The following SMG1 variants were observed in gnomAD, a reference collection of about 807,000 sequenced individuals.
The protein encoded by SMG1 is serine/threonine-protein kinase SMG1.
Under a neutral mutation model 419.9 loss-of-function variants are expected in SMG1, and 22 were observed. The observed-to-expected ratio is 0.05, with a 90% CI of 0.04 to 0.07. SMG1 has a LOEUF of 0.07. SMG1 is among the 10% of genes least tolerant of loss of function. The probability of loss-of-function intolerance (pLI) is 1.00; values close to 1 mark genes in which losing one functional copy is unlikely to be tolerated. For missense variants in SMG1, 3,185 were observed against 4,342.0 expected, an observed-to-expected ratio of 0.73 and a Z score of 7.49; for synonymous variants, 1,538 against 1,553.5, an observed-to-expected ratio of 0.99 and a Z score of 0.23.
At chr16:18,905,667 T>C (rs983021007) in intron 1 of SMG1, among the ~76,000 whole-genome samples, 1 of 150,874 alleles carries the variant, frequency 6.6e-6, no homozygotes, top group Admixed American at 6.7e-5. Context: ...GGCTGGAGTA[T>C]AGTGGTGCAA....
chr16:18,815,403 T>G, intron 59 of SMG1, 37 bp downstream of exon 59: 1 of 1,605,338 alleles, frequency 6.2e-7, no homozygotes, highest in African/African-American at 1.3e-5. Context: ...AGTTTTGTAC[T>G]TATGTTTTAT....
At chr16:18,901,276 T>C (rs534080467) in intron 1 of SMG1, among the ~76,000 whole-genome samples, 5 of 152,220 alleles carry the variant, frequency 3.3e-5, no homozygotes, top group African/African-American at 1.2e-4. Flanking sequence ...CAGGCTGGAG[T>C]GCACTGGCAT....
At chr16:18,887,987 G>A (rs1382707226) in intron 6 of SMG1, among the ~76,000 whole-genome samples, 7 of 150,900 alleles carry the variant, frequency 4.6e-5, no homozygotes, top group East Asian at 1.9e-4. Flanking sequence ...CCAGCACAAC[G>A]AAACCCCATC....
rs531685275 is a variant in SMG1 at position 18,874,560 on chromosome 16, T to TA, written c.1890+1563dup. On this transcript the variant is annotated intron_variant, in intron 13 of 62. Coordinates refer to ENST00000446231, the MANE Select transcript of SMG1 (RefSeq NM_015092.5). ...AAGAGCAGGGCCATGTCGAATTACT[T>TA]AAAAAAAAAAAAAAAAAAAAGCAGG... Among the ~76,000 whole-genome samples the TA allele has an allele frequency of 5.5e-3, 605 of 110,662 alleles. 5 individuals carry two copies. The highest frequency in any genetic ancestry group is 0.014 in the Middle Eastern group (3 of 212). The allele number at this position is 110,662 out of a possible 152,430, so 72.6% of individuals were successfully genotyped here. A position where few individuals can be genotyped will look rare whatever the true frequency, so the allele number is the denominator to read the frequency against.
chr16:18,863,310 C>T (rs919424814), intron 25 of SMG1, among the ~76,000 whole-genome samples: 3 of 152,178 alleles, frequency 2.0e-5, no homozygotes, highest in Admixed American at 6.5e-5. Context: ...ATATTCAGAC[C>T]TCATTTAGAA....
chr16:18,830,231 T>C lies in SMG1; in HGVS notation c.8931A>G (p.Leu2977=). 6.2e-7 allele frequency: 1 copy of C among 1,613,886 alleles called. No individual in the cohort carries two copies. The highest frequency in any genetic ancestry group is 8.5e-7 in the Non-Finnish European group (1 of 1,179,822). Residue 2977 remains leucine (L), a synonymous_variant, in exon 52 of 63, where the codon TTA becomes TTG. Transcript: ENST00000446231. ...MFAQVETAFS[L]LVEKLNKMEI... ...AGTCCACATTTACCTTTTCAACTAA[T>C]AAGCTGAAAGCAGTTTCAACTTGAG...
chr16:18,856,329 ATTTTTTTTTTTTTT>A (rs11365913), intron 29 of SMG1: 2 of 84,690 alleles, frequency 2.4e-5, no homozygotes, highest in Admixed American at 1.3e-4. Context: ...CACCCAGGTG[ATTTTTTTTTTTTTT>A]TTTTTTTTTT....
chr16:18,813,059 C>T (rs2031624189), intron 60 of SMG1, among the ~76,000 whole-genome samples: 1 of 151,972 alleles, frequency 6.6e-6, no homozygotes, highest in Non-Finnish European at 1.5e-5. Flanking sequence ...TTTCTTAATC[C>T]AGTCTATCAT....
At chr16:18,872,842 G>A (rs1037849071) in intron 13 of SMG1, among the ~76,000 whole-genome samples, 1 of 152,038 alleles carries the variant, frequency 6.6e-6, no homozygotes, top group Non-Finnish European at 1.5e-5. Flanking sequence ...GCAACTCCTC[G>A]TCTATCGCTA....
chr16:18,871,326 TAAAC>T (rs755174020), intron 16 of SMG1, 34 bp downstream of exon 16: 5 of 997,396 alleles, frequency 5.0e-6, no homozygotes, highest in South Asian at 1.8e-5. Flanking sequence ...TAAGGATTGA[TAAAC>T]AAAATAGAAA....
intron 16 of SMG1, 130 bp downstream of exon 16, chr16:18,871,234 T>C: frequency 5.4e-6 from 3 of 559,884 alleles, no homozygotes; most frequent in South Asian, 5.6e-5. Flanking sequence ...ACTGTGTATC[T>C]GTCATTAAAA....
chr16:18,895,746 A>G (rs2037097537), intron 3 of SMG1, among the ~76,000 whole-genome samples: 1 of 151,982 alleles, frequency 6.6e-6, no homozygotes, highest in African/African-American at 2.4e-5. Flanking sequence ...TATCCTCCAC[A>G]GGCCCAAGAG....
intron 1 of SMG1, among the ~76,000 whole-genome samples, chr16:18,921,355 G>T (rs2038193637): frequency 6.6e-6 from 1 of 151,736 alleles, no homozygotes; most frequent in Non-Finnish European, 1.5e-5. Flanking sequence ...CAAAACAGAG[G>T]AAAGAAAAGA....
intron 56 of SMG1, among the ~76,000 whole-genome samples, chr16:18,819,211 A>C (rs993810911): frequency 6.6e-6 from 1 of 151,742 alleles, no homozygotes; most frequent in Non-Finnish European, 1.5e-5. Flanking sequence ...TAGTTGTATA[A>C]AAGAGACCCA....
chr16:18,857,589 A>AT (rs1402828379), intron 29 of SMG1: 1 of 152,214 alleles, frequency 6.6e-6, no homozygotes, highest in Non-Finnish European at 1.5e-5. Context: ...AGTGATTAAA[A>AT]TTTTTTTAAG....
At position 18,829,467 on chromosome 16, in the gene SMG1, G is replaced by T. The variant is rs200470223; in HGVS notation, c.9422C>A (p.Ala3141Glu). Residue 3141 changes from alanine (A) to glutamate (E), a missense_variant, in exon 54 of 63, where the codon GCG (alanine) becomes GAG (glutamate). Physicochemically the swap from Ala to Glu is moderately radical, Grantham distance 107 (BLOSUM62 -1). Transcript: ENST00000446231. ...CCCTATCTGGATGTTATGTTCCACC[G>T]CTTTCTTACAGAGATCATCAACAGA... ...KVSVDDLCKK[A>E]VEHNIQIGKF... 6.2e-7 allele frequency: 1 copy of T among 1,613,968 alleles called. No homozygotes were observed.
At chr16:18,845,151 C>T (rs574952696) in intron 39 of SMG1, among the ~76,000 whole-genome samples, 2 of 152,304 alleles carry the variant, frequency 1.3e-5, no homozygotes, top group East Asian at 1.9e-4. Context: ...ACAGCCCCTT[C>T]CTTGGCTAAT....
In SMG1 at chr16:18,853,804, T is replaced by G. The variant is rs919534439; in HGVS notation, c.4547A>C (p.Lys1516Thr). 3.7e-6 allele frequency: 6 copies of G among 1,613,672 alleles called. No individual in the cohort carries two copies. Among genetic ancestry groups the G allele is most frequent in the Non-Finnish European group, 5.1e-6 (6 of 1,179,738 alleles). Residue 1516 changes from lysine (K) to threonine (T), a missense_variant, in exon 31 of 63, where the codon AAA becomes ACA. Lys to Thr is a moderately conservative substitution (Grantham distance 78). Transcript: ENST00000446231. ...SCAISFCKSV[K>T]AEYAVAKSIL... ...TGATTTAGCAACTGCATATTCAGCT[T>G]TCACAGACTTGCAGAAAGATATGGC... is the stretch of plus-strand genomic sequence containing the variant.
At chr16:18,921,990 T>A (rs1396452731) in intron 1 of SMG1, among the ~76,000 whole-genome samples, 1 of 152,202 alleles carries the variant, frequency 6.6e-6, no homozygotes, top group East Asian at 1.9e-4. Context: ...ACTAAACAAG[T>A]AAGACCAATT....
Sources: gnomAD v4.1 joint callset for allele counts (sites outside exome capture counted in the v4.1 genomes callset) on GRCh38, gnomAD v4.1.1 for gene constraint, MANE v1.5 for transcripts, NCBI Gene and HGNC (gene_info 2026-07-23, HGNC 2026-07-21) for gene names.